MINDY4B: variants seen among roughly 807,000 people sequenced by gnomAD.
MINDY4B encodes the protein MINDY family member 4B, also known as inactive ubiquitin carboxyl-terminal hydrolase MINDY-4B.
MINDY4B carries 25 observed loss-of-function variants against 16.7 expected under a neutral mutation model. That is an observed-to-expected ratio of 1.49 (90% CI 1.09 to 2.09). MINDY4B has a LOEUF of 2.09. Ranked by LOEUF, MINDY4B falls within the 30% of genes most tolerant of loss-of-function variation. The pLI, the probability that MINDY4B is intolerant of heterozygous loss-of-function variation, is 0.00. For missense variants in MINDY4B, 327 were observed against 168.4 expected, an observed-to-expected ratio of 1.94 and a Z score of -5.21; for synonymous variants, 132 against 61.9, an observed-to-expected ratio of 2.13 and a Z score of -5.32.
intron 3 of MINDY4B, among the ~76,000 whole-genome samples, chr3:150,899,144 T>C (rs1712050544): frequency 1.3e-5 from 2 of 152,194 alleles, no homozygotes; most frequent in African/African-American, 2.4e-5. Context: ...AAAATAGGTA[T>C]CTGTTGAAGT....
At chr3:150,871,229 C>T (rs181574777) in intron 11 of MINDY4B, 42 bp from the exon 12 acceptor site, 89 of 694,624 alleles carry the variant, frequency 1.3e-4, no homozygotes, top group African/African-American at 1.0e-3. Flanking sequence ...AGCCTATGAA[C>T]ACCATTCCAG....
chr3:150,881,059 C>T (rs1196097337), intron 10 of MINDY4B, among the ~76,000 whole-genome samples: 3 of 152,196 alleles, frequency 2.0e-5, no homozygotes, highest in African/African-American at 7.2e-5. Flanking sequence ...TAGTCTTTCA[C>T]ATCCACACAA....
intron 11 of MINDY4B, among the ~76,000 whole-genome samples, chr3:150,871,405 G>A (rs1018411863): frequency 1.3e-5 from 2 of 152,050 alleles, no homozygotes; most frequent in South Asian, 2.1e-4. Flanking sequence ...ATATTAGGAC[G>A]TAGTATGTGT....
At chr3:150,902,037 G>T (rs1712129893) in intron 3 of MINDY4B, among the ~76,000 whole-genome samples, 1 of 152,066 alleles carries the variant, frequency 6.6e-6, no homozygotes, top group Non-Finnish European at 1.5e-5. Flanking sequence ...CCGCAGTCAG[G>T]GTCACCAGCC....
At chr3:150,898,988 A>C (rs570453318) in intron 3 of MINDY4B, among the ~76,000 whole-genome samples, 1 of 152,190 alleles carries the variant, frequency 6.6e-6, no homozygotes, top group Non-Finnish European at 1.5e-5. Flanking sequence ...ATGAATTACT[A>C]GACCATCATG....
chr3:150,877,504 C>T (rs923098406), intron 10 of MINDY4B, among the ~76,000 whole-genome samples: 1 of 152,146 alleles, frequency 6.6e-6, no homozygotes, highest in Admixed American at 6.5e-5. Context: ...TGTTTCAGTT[C>T]TATGCAGGAT....
intron 10 of MINDY4B, among the ~76,000 whole-genome samples, chr3:150,875,330 A>T (rs572640932): frequency 2.0e-5 from 3 of 152,354 alleles, no homozygotes; most frequent in African/African-American, 7.2e-5. Context: ...TCATGGAATT[A>T]TCAAGGTTGA....
At position 150,870,927 on chromosome 3, in the gene MINDY4B, TA is replaced by T. The variant is rs59488213; in HGVS notation, c.*117del. 4.3e-4 allele frequency: 259 copies of T among 604,194 alleles called. 2 individuals carry two copies. The East Asian group carries it at 6.6e-3, about 15-fold the overall frequency. The allele number at this position is 604,194 out of a possible 1,614,324, so 37.4% of individuals were successfully genotyped here. ...AAAAACTGCTAATGGTATATATATA[TA>T]TTTTTTGGTGGGGCTTGTGAATGAG... On this transcript the variant is annotated 3_prime_UTR_variant, in exon 12 of 12. Transcript: ENST00000465419.
chr3:150,890,235 C>T (rs543070103), intron 7 of MINDY4B, 85 bp downstream of exon 7: 2 of 412,616 alleles, frequency 4.8e-6, no homozygotes, highest in Admixed American at 4.3e-5. Flanking sequence ...TAACAGGCAT[C>T]ATTAGAAATA....
chr3:150,884,298 A>G (rs1171990584), intron 8 of MINDY4B, among the ~76,000 whole-genome samples: 1 of 152,156 alleles, frequency 6.6e-6, no homozygotes, highest in African/African-American at 2.4e-5. Context: ...TCCTGCTGTC[A>G]CTTAGGGGGA....
chr3:150,880,677 C>T (rs997461851), intron 10 of MINDY4B, among the ~76,000 whole-genome samples: 1 of 152,110 alleles, frequency 6.6e-6, no homozygotes, highest in African/African-American at 2.4e-5. Flanking sequence ...TAGTTTATAG[C>T]GAGGATCCAG....
chr3:150,896,220 T>A (rs1711955618), intron 3 of MINDY4B, among the ~76,000 whole-genome samples: 1 of 152,132 alleles, frequency 6.6e-6, no homozygotes, highest in Admixed American at 6.5e-5. Flanking sequence ...TTCTTGAAGT[T>A]TTGATTGTTT....
At chr3:150,899,571 C>T (rs1712061402) in intron 3 of MINDY4B, among the ~76,000 whole-genome samples, 1 of 152,118 alleles carries the variant, frequency 6.6e-6, no homozygotes, top group Non-Finnish European at 1.5e-5. Context: ...ACTTCACTTC[C>T]CTTCCCTCCC....
At chr3:150,888,785 C>G (rs1711695319) in intron 7 of MINDY4B, among the ~76,000 whole-genome samples, 1 of 152,138 alleles carries the variant, frequency 6.6e-6, no homozygotes, top group Non-Finnish European at 1.5e-5. Flanking sequence ...TAGTCTTTGA[C>G]TGGGGAAGCC....
At chr3:150,888,113 C>T (rs182504158) in intron 7 of MINDY4B, among the ~76,000 whole-genome samples, 15 of 152,018 alleles carry the variant, frequency 9.9e-5, no homozygotes, top group African/African-American at 3.6e-4. Context: ...TCTCAAAAAA[C>T]AAAAGAGTAG....
At chr3:150,904,911 C>T (rs148050224) in intron 2 of MINDY4B, among the ~76,000 whole-genome samples, 151 bp downstream of exon 2, 55 of 152,260 alleles carry the variant, frequency 3.6e-4, no homozygotes, top group Non-Finnish European at 6.9e-4. Flanking sequence ...AAAAAATCTT[C>T]GACAGGCTTT....
intron 7 of MINDY4B, among the ~76,000 whole-genome samples, chr3:150,887,708 T>C (rs1053782121): frequency 1.3e-5 from 2 of 152,240 alleles, no homozygotes; most frequent in African/African-American, 4.8e-5. Context: ...CAGGTGTGTT[T>C]GTTTCCTGGG....
intron 10 of MINDY4B, among the ~76,000 whole-genome samples, chr3:150,882,566 A>G (rs1360052381): frequency 2.8e-3 from 19 of 6,706 alleles, no homozygotes; most frequent in Non-Finnish European, 4.4e-3. Flanking sequence ...GTATGTGTGT[A>G]TATATATATA....
At chr3:150,877,452 G>A (rs571771087) in intron 10 of MINDY4B, among the ~76,000 whole-genome samples, 2 of 152,288 alleles carry the variant, frequency 1.3e-5, no homozygotes, top group South Asian at 2.1e-4. Context: ...TGTCCCAGAA[G>A]CACATCATGT....
Sources: gnomAD v4.1 joint callset for allele counts (sites outside exome capture counted in the v4.1 genomes callset) on GRCh38, gnomAD v4.1.1 for gene constraint, MANE v1.5 for transcripts, NCBI Gene and HGNC (gene_info 2026-07-23, HGNC 2026-07-21) for gene names.